The following PRKCE variants were observed in gnomAD, a reference collection of about 807,000 sequenced individuals.
PRKCE encodes protein kinase C epsilon, also known as protein kinase C epsilon type.
Under a neutral mutation model 85.4 loss-of-function variants are expected in PRKCE, and 16 were observed. That is an observed-to-expected ratio of 0.19 (90% CI 0.13 to 0.28). PRKCE has a LOEUF of 0.28. Ranked by LOEUF, PRKCE falls within the 10% of genes least tolerant of loss-of-function variation. PRKCE has a pLI of 1.00. For missense variants in PRKCE, 573 were observed against 975.2 expected (o/e 0.59, Z 5.49); for synonymous variants, 388 against 371.5 (o/e 1.04, Z -0.51).
intron 11 of PRKCE, among the ~76,000 whole-genome samples, chr2:46,124,780 G>T (rs1054645636): frequency 6.6e-6 from 1 of 152,198 alleles, no homozygotes; most frequent in African/African-American, 2.4e-5. Flanking sequence ...ATCCAGCAAA[G>T]ATCCTTAGTC....
intron 14 of PRKCE, among the ~76,000 whole-genome samples, chr2:46,172,115 A>T (rs1376853409): frequency 6.6e-6 from 1 of 152,110 alleles, no homozygotes; most frequent in Non-Finnish European, 1.5e-5. Context: ...CGGTGGAGAG[A>T]ATGGCTGTGG....
At position 45,750,464 on chromosome 2, in the gene PRKCE, G is replaced by T. The variant is rs902900685; in HGVS notation, c.349-92536G>T. On this transcript the variant is annotated intron_variant, in intron 1 of 14. Coordinates refer to ENST00000306156, the MANE Select transcript of PRKCE (RefSeq NM_005400.3). ...CAAAATTTGCGGTCCCATTGCCTTGGTGTAGAGCTGTGCCCCTGCATAGGG... is the reference window on the plus strand; with the variant it reads ...CAAAATTTGCGGTCCCATTGCCTTGTTGTAGAGCTGTGCCCCTGCATAGGG... Among the ~76,000 whole-genome samples the T allele has an allele frequency of 3.3e-5, 5 of 152,280 alleles. No individual in the cohort carries two copies. In the South Asian group the frequency reaches 1.0e-3, roughly 32 times the overall value.
intron 1 of PRKCE, among the ~76,000 whole-genome samples, chr2:45,810,765 T>A (rs1269538634): frequency 6.6e-6 from 1 of 152,232 alleles, no homozygotes; most frequent in African/African-American, 2.4e-5. Context: ...TTTTATTATT[T>A]TGTAGAGACA....
intron 2 of PRKCE, among the ~76,000 whole-genome samples, chr2:45,844,647 A>T (rs368043246): frequency 6.6e-6 from 1 of 152,228 alleles, no homozygotes; most frequent in Non-Finnish European, 1.5e-5. Flanking sequence ...TGATGGGCAA[A>T]ATCAATCCCC....
intron 2 of PRKCE, among the ~76,000 whole-genome samples, chr2:45,947,354 G>A (rs1373663031): frequency 1.3e-5 from 2 of 152,124 alleles, no homozygotes; most frequent in East Asian, 3.9e-4. Context: ...GCCTGGTAAA[G>A]GGTGTGGAAC....
intron 1 of PRKCE, among the ~76,000 whole-genome samples, chr2:45,680,342 C>A (rs905394123): frequency 2.6e-5 from 4 of 152,206 alleles, no homozygotes; most frequent in African/African-American, 7.2e-5. Flanking sequence ...CATACAACCG[C>A]TCTGTGTGCC....
At position 46,159,117 on chromosome 2, in the gene PRKCE, T is replaced by C. The variant is rs1010250453; in HGVS notation, c.1921-489T>C. ...GGAGCTGGAGGAGGCATTAGTACAT[T>C]TGATCATTTACCTGGTCCTTATTCC... On this transcript the variant is annotated intron_variant, in intron 13 of 14. Transcript: ENST00000306156. This position sits in a 1 kb window ranked among gnomAD's most constrained non-coding sequence, Gnocchi z 4.1. Among the ~76,000 whole-genome samples the C allele has an allele frequency of 6.6e-6, 1 of 152,142 alleles. No individual in the cohort carries two copies. Among genetic ancestry groups the C allele is most frequent in the Non-Finnish European group, 1.5e-5 (1 of 68,016 alleles).
intron 6 of PRKCE, among the ~76,000 whole-genome samples, chr2:45,993,718 G>C (rs1703995899): frequency 6.6e-6 from 1 of 152,122 alleles, no homozygotes. Context: ...TGGGTTTGGT[G>C]GGTGGAGCAG....
intron 2 of PRKCE, among the ~76,000 whole-genome samples, chr2:45,917,621 G>A (rs553855422): frequency 1.3e-5 from 2 of 152,356 alleles, no homozygotes; most frequent in African/African-American, 4.8e-5. Context: ...AGTGGATCCC[G>A]CACTGGGGCT....
Position 46,007,542 on chromosome 2 carries a change from C to T in PRKCE, c.1144C>T (p.Pro382Ser), listed in dbSNP as rs763892538. The T allele has an allele frequency of 6.3e-7, 1 of 1,599,800 alleles. No individual in the cohort carries two copies. The highest frequency in any genetic ancestry group is 8.5e-7 in the Non-Finnish European group (1 of 1,179,962). ...AGAGGAGCACCGGGCAGCATCGTCT[C>T]CTGATGGCCAGCTGATGAGCCCCGG... is the stretch of plus-strand genomic sequence containing the variant. ...RGEEHRAASS[P>S]DGQLMSPGEN... Residue 382 changes from proline to serine, a missense_variant, in exon 9 of 15, where the codon CCT becomes TCT. Physicochemically the swap from Pro to Ser is moderately conservative, Grantham distance 74. Coordinates refer to ENST00000306156, the MANE Select transcript of PRKCE (RefSeq NM_005400.3).
chr2:45,724,342 T>G (rs1680879814), intron 1 of PRKCE, among the ~76,000 whole-genome samples: 2 of 152,230 alleles, frequency 1.3e-5, no homozygotes, highest in African/African-American at 4.8e-5. Context: ...ATGTTGTGTG[T>G]GTCCTTACTG....
intron 11 of PRKCE, among the ~76,000 whole-genome samples, chr2:46,131,965 C>T (rs1243659556): frequency 6.6e-6 from 1 of 152,002 alleles, no homozygotes; most frequent in Non-Finnish European, 1.5e-5. Flanking sequence ...AAGATACAAC[C>T]AATTATTATT....
intron 2 of PRKCE, among the ~76,000 whole-genome samples, chr2:45,871,814 C>T (rs1286263655): frequency 2.0e-5 from 3 of 152,220 alleles, no homozygotes; most frequent in Non-Finnish European, 2.9e-5. Flanking sequence ...AGACAGCCTT[C>T]TTTCCCCCCT....
chr2:46,160,903 G>A (rs1408961758), intron 14 of PRKCE, among the ~76,000 whole-genome samples: 2 of 152,238 alleles, frequency 1.3e-5, no homozygotes, highest in African/African-American at 4.8e-5. Context: ...GTGTGGTCCA[G>A]GCCTCAACCA....
intron 2 of PRKCE, among the ~76,000 whole-genome samples, chr2:45,888,699 G>T (rs1486710847): frequency 1.3e-5 from 2 of 152,050 alleles, no homozygotes; most frequent in Non-Finnish European, 1.5e-5. Flanking sequence ...TGATCCACCC[G>T]CTTTGGCCTC....
chr2:45,870,683 G>T (rs1006398277), intron 2 of PRKCE, among the ~76,000 whole-genome samples: 1 of 152,160 alleles, frequency 6.6e-6, no homozygotes, highest in East Asian at 1.9e-4. Flanking sequence ...AGTTTTTGGA[G>T]CCAGACACAG....
chr2:45,976,921 G>A (rs1702500776), intron 3 of PRKCE, among the ~76,000 whole-genome samples: 1 of 150,934 alleles, frequency 6.6e-6, no homozygotes, highest in African/African-American at 2.4e-5. Context: ...TTTTGAGACA[G>A]AGTCTAGCTC....
intron 1 of PRKCE, among the ~76,000 whole-genome samples, chr2:45,767,874 A>G (rs768098497): frequency 6.6e-5 from 10 of 152,248 alleles, no homozygotes; most frequent in Non-Finnish European, 1.5e-4. Context: ...ATTGTAAACT[A>G]GAAACACCAA....
At chr2:46,178,096 C>T (rs281470) in intron 14 of PRKCE, among the ~76,000 whole-genome samples, 12,711 of 152,236 alleles carry the variant, frequency 0.083, 617 homozygotes, top group Middle Eastern at 0.18. Context: ...CCCATCTCTA[C>T]TAAAAATACA....
Sources: gnomAD v4.1 joint callset for allele counts (sites outside exome capture counted in the v4.1 genomes callset) on GRCh38, gnomAD v4.1.1 for gene constraint, Gnocchi (gnomAD v3.1) non-coding constraint, MANE v1.5 for transcripts, NCBI Gene and HGNC (gene_info 2026-07-23, HGNC 2026-07-21) for gene names.